Variants in MCU observed in about 807,000 individuals in gnomAD.
The protein encoded by MCU is mitochondrial calcium uniporter.
Under a neutral mutation model 45.2 loss-of-function variants are expected in MCU, and 12 were observed. That is an observed-to-expected ratio of 0.27 (90% confidence interval 0.17 to 0.43). MCU has a LOEUF of 0.43. Ranked by LOEUF, MCU falls within the 20% of genes least tolerant of loss-of-function variation. The pLI is 1.00. For missense variants in MCU, 324 were observed against 436.7 expected, an observed-to-expected ratio of 0.74 and a Z score of 2.30; for synonymous variants, 160 against 165.1, an observed-to-expected ratio of 0.97 and a Z score of 0.24.
chr10:72,771,068 C>CT (rs1450113919), intron 1 of MCU, among the ~76,000 whole-genome samples: 7 of 152,084 alleles, frequency 4.6e-5, no homozygotes, highest in Non-Finnish European at 2.9e-5. Context: ...TATTATTATA[C>CT]TTTAAGTTCT....
chr10:72,726,758 C>A (rs1225524053), intron 1 of MCU, among the ~76,000 whole-genome samples: 6 of 152,134 alleles, frequency 3.9e-5, no homozygotes, highest in African/African-American at 1.4e-4. Flanking sequence ...TGCCAGATTG[C>A]TTTTCTTAGC....
At position 72,808,341 on chromosome 10, in the gene MCU, A is replaced by T. The variant is rs992831937; in HGVS notation, c.151-26018A>T. ...AGGCAAGAACAGTCATAGGCATCTG[A>T]AACACTAGCTTCAACGGAACATATA... On this transcript the variant is annotated intron_variant, in intron 1 of 7. Transcript: ENST00000373053. 2.6e-5 allele frequency among the ~76,000 whole-genome samples: 4 copies of T among 152,342 alleles called. 1 individual carries two copies. In the South Asian group the frequency reaches 8.3e-4, roughly 32 times the overall value.
chr10:72,852,593 A>C (rs540688254), intron 2 of MCU, among the ~76,000 whole-genome samples: 1 of 152,342 alleles, frequency 6.6e-6, no homozygotes, highest in South Asian at 2.1e-4. Flanking sequence ...TGAACCCTGC[A>C]TTGGTTGAGT....
In MCU at chr10:72,836,138, TA is replaced by T. The variant is rs567287549; in HGVS notation, c.220+1722del. 6.6e-3 allele frequency among the ~76,000 whole-genome samples: 964 copies of T among 144,970 alleles called. 12 individuals carry two copies. Among genetic ancestry groups the T allele is most frequent in the African/African-American group, 0.022 (860 of 39,828 alleles). Reference sequence around the variant, plus strand: ...GTTTGAATAAAAAGAATTTCACTGTTAAAAAAAAAAAAGTTTACATTGCTGA... The same window carrying T: ...GTTTGAATAAAAAGAATTTCACTGTTAAAAAAAAAAAGTTTACATTGCTGA... On this transcript the variant is annotated intron_variant, in intron 2 of 7. Coordinates refer to ENST00000373053, the MANE Select transcript of MCU (RefSeq NM_138357.3).
intron 1 of MCU, among the ~76,000 whole-genome samples, chr10:72,774,613 T>C (rs1843862467): frequency 6.6e-6 from 1 of 151,946 alleles, no homozygotes; most frequent in African/African-American, 2.4e-5. Context: ...GCTCCATGGA[T>C]AAAGAAACAA....
Position 72,860,432 on chromosome 10 carries a change from G to A in MCU, c.401G>A (p.Arg134His), listed in dbSNP as rs757801517. The change falls in exon 4 of 8, where the codon CGC (arginine) becomes CAC (histidine). Residue 134 changes from arginine to histidine, a missense_variant. Arg to His is a conservative substitution (Grantham distance 29, BLOSUM62 0). Around this residue, in one of 4 missense-constraint regions of MCU, gnomAD observed 135 missense variants for 207.3 expected, o/e 0.65. Coordinates refer to ENST00000373053, the MANE Select transcript of MCU (RefSeq NM_138357.3). The part of the protein sequence containing the change: ...RVAIYSPDGV[R>H]VAASTGIDLL... ...TTTGAAATTTTCACAGATGGTGTTC[G>A]CGTTGCTGCTTCAACAGGAATAGAC... 13 of 1,613,658 alleles carry A rather than the reference G, an allele frequency of 8.1e-6. No homozygotes were observed. The highest frequency in any genetic ancestry group is 1.1e-5 in the Non-Finnish European group (13 of 1,179,720).
chr10:72,766,026 C>T (rs1843721986), intron 1 of MCU, among the ~76,000 whole-genome samples: 1 of 151,946 alleles, frequency 6.6e-6, no homozygotes, highest in Non-Finnish European at 1.5e-5. Context: ...GCCACCACAC[C>T]CAGCTAATTT....
Position 72,886,295 on chromosome 10 carries a change from A to G in MCU, c.*473A>G. On this transcript the variant is annotated 3_prime_UTR_variant, in exon 8 of 8. Coordinates refer to ENST00000373053, the MANE Select transcript of MCU (RefSeq NM_138357.3). ...AAAATATCATTAGCATTTATTTTAAATTGGACCCAGTCTCTGCAGAGTTAC... is the reference window on the plus strand; with the variant it reads ...AAAATATCATTAGCATTTATTTTAAGTTGGACCCAGTCTCTGCAGAGTTAC... The G allele has an allele frequency of 6.5e-6, 1 of 153,746 alleles. No individual in the cohort carries two copies. Among genetic ancestry groups the G allele is most frequent in the Admixed American group, 6.5e-5 (1 of 15,336 alleles). 9.5% of individuals were successfully genotyped at this position (153,746 alleles called of 1,614,324 possible). A position where few individuals can be genotyped will look rare whatever the true frequency, so the allele number is the denominator to read the frequency against.
In MCU at chr10:72,720,654, T is replaced by C. The variant is rs140821130; in HGVS notation, c.150+28353T>C. 9.0e-4 allele frequency among the ~76,000 whole-genome samples: 137 copies of C among 152,332 alleles called. 2 individuals carry two copies. Among genetic ancestry groups the C allele is most frequent in the African/African-American group, 2.7e-3 (113 of 41,584 alleles). On this transcript the variant is annotated intron_variant, in intron 1 of 7. Coordinates refer to ENST00000373053, the MANE Select transcript of MCU (RefSeq NM_138357.3). ...CCCTGCCACACATTTTATACTTCCA[T>C]TGTGTTGAATCTATCTTTTTATATA...
chr10:72,824,270 C>T (rs1433379757), intron 1 of MCU, among the ~76,000 whole-genome samples: 5 of 149,880 alleles, frequency 3.3e-5, no homozygotes, highest in Non-Finnish European at 4.4e-5. Context: ...GATCTCAGCT[C>T]ACTGCAACCT....
At chr10:72,853,468 A>G (rs1845239620) in intron 2 of MCU, among the ~76,000 whole-genome samples, 2 of 152,220 alleles carry the variant, frequency 1.3e-5, no homozygotes, top group African/African-American at 4.8e-5. Flanking sequence ...GAGAGGGGGA[A>G]AAAAGCCCCT....
intron 1 of MCU, chr10:72,693,175 T>TGA: frequency 1.3e-5 from 2 of 159,636 alleles, no homozygotes; most frequent in Non-Finnish European, 1.7e-5. Context: ...CTTGGGTGAG[T>TGA]GTGTGTGTGT....
At chr10:72,723,232 C>CT (rs1174774052) in intron 1 of MCU, among the ~76,000 whole-genome samples, 2 of 151,824 alleles carry the variant, frequency 1.3e-5, no homozygotes, top group African/African-American at 2.4e-5. Flanking sequence ...ATTATCTAGT[C>CT]TTTTTTTTGC....
At position 72,788,151 on chromosome 10, in the gene MCU, A is replaced by G. The variant is rs868138883; in HGVS notation, c.151-46208A>G. Among the ~76,000 whole-genome samples the G allele has an allele frequency of 9.8e-5, 15 of 152,388 alleles. No homozygotes were observed. The Middle Eastern group carries it at 0.01, about 104-fold the overall frequency. ...AGGTTCTTTTCTGTGTTCAATTTGTACAGGAGGTTCTGGCTTATTTATTCA... is the reference window on the plus strand; with the variant it reads ...AGGTTCTTTTCTGTGTTCAATTTGTGCAGGAGGTTCTGGCTTATTTATTCA... On this transcript the variant is annotated intron_variant, in intron 1 of 7. Coordinates refer to ENST00000373053, the MANE Select transcript of MCU (RefSeq NM_138357.3).
intron 1 of MCU, among the ~76,000 whole-genome samples, chr10:72,781,118 T>C (rs1235134842): frequency 6.6e-6 from 1 of 152,200 alleles, no homozygotes; most frequent in African/African-American, 2.4e-5. Flanking sequence ...GATGGAACTA[T>C]GGAGGAAATT....
intron 1 of MCU, among the ~76,000 whole-genome samples, chr10:72,768,710 G>C (rs1053171487): frequency 1.3e-5 from 2 of 152,158 alleles, no homozygotes; most frequent in Non-Finnish European, 2.9e-5. Flanking sequence ...AAAAATTACA[G>C]TTAAGATGAC....
chr10:72,778,190 AAGAT>A (rs1843925542), intron 1 of MCU, among the ~76,000 whole-genome samples: 1 of 152,212 alleles, frequency 6.6e-6, no homozygotes, highest in Non-Finnish European at 1.5e-5. Flanking sequence ...AGCCAAAAGA[AAGAT>A]AATCAATATT....
intron 1 of MCU, among the ~76,000 whole-genome samples, chr10:72,699,277 C>T (rs1033755666): frequency 2.0e-5 from 3 of 152,016 alleles, no homozygotes; most frequent in South Asian, 4.1e-4. Context: ...GAGGCCGAGG[C>T]GGGCGGATCA....
chr10:72,779,005 C>T (rs1337016802), intron 1 of MCU, among the ~76,000 whole-genome samples: 1 of 152,046 alleles, frequency 6.6e-6, no homozygotes, highest in African/African-American at 2.4e-5. Flanking sequence ...GAGTCTCACT[C>T]TGTTGCTGGG....
Sources: gnomAD v4.1 joint callset for allele counts (sites outside exome capture counted in the v4.1 genomes callset) on GRCh38, gnomAD v4.1.1 for gene constraint, gnomAD v4.1.1 regional missense constraint, MANE v1.5 for transcripts, NCBI Gene and HGNC (gene_info 2026-07-23, HGNC 2026-07-21) for gene names.